EXOC6: variants seen among roughly 807,000 people sequenced by gnomAD.
EXOC6 encodes SEC15-like 1.
Under a neutral mutation model 112.5 loss-of-function variants are expected in EXOC6, and 60 were observed. The ratio of observed to expected loss-of-function variants is 0.53; its 90% CI spans 0.43 to 0.66. The LOEUF (loss-of-function observed/expected upper bound fraction) is 0.66, where lower values mean the gene tolerates loss of function less well. Among genes scored for constraint, EXOC6 ranks in the 30% least tolerant of loss-of-function variants. EXOC6 has a pLI of 0.00. For synonymous variants in EXOC6, 295 were observed against 308.0 expected, an observed-to-expected ratio of 0.96 and a Z score of 0.44; for missense variants, 855 against 957.1, an observed-to-expected ratio of 0.89 and a Z score of 1.41.
At chr10:92,876,961 GCT>G (rs67571339) in intron 1 of EXOC6, among the ~76,000 whole-genome samples, 71,790 of 151,826 alleles carry the variant, frequency 0.47, 17,948 homozygotes, top group African/African-American at 0.63. Context: ...TGCTTTTAGG[GCT>G]CTCTCTTACT....
At chr10:92,854,592 C>CT (rs1322153757) in intron 1 of EXOC6, among the ~76,000 whole-genome samples, 3 of 152,084 alleles carry the variant, frequency 2.0e-5, no homozygotes, top group East Asian at 1.9e-4. Flanking sequence ...TTATCAGATG[C>CT]TTTTTTCTGT....
chr10:92,845,505 A>T (rs1373918387), upstream of EXOC6, among the ~76,000 whole-genome samples: 3 of 148,940 alleles, frequency 2.0e-5, no homozygotes, highest in Non-Finnish European at 4.4e-5. Context: ...GTGAGCCAAG[A>T]TCGCACCACT....
At chr10:92,955,946 T>C (rs1157046694) in intron 17 of EXOC6, among the ~76,000 whole-genome samples, 1 of 152,184 alleles carries the variant, frequency 6.6e-6, no homozygotes, top group African/African-American at 2.4e-5. Context: ...GCTTTGTTCA[T>C]GTTTTGATGA....
intron 9 of EXOC6, among the ~76,000 whole-genome samples, chr10:92,931,142 A>G (rs1309108491): frequency 6.6e-6 from 1 of 150,540 alleles, no homozygotes; most frequent in Non-Finnish European, 1.5e-5. Flanking sequence ...AAAAAAAAGG[A>G]AAGGAAAAGG....
At chr10:92,981,052 T>G (rs576473323) in intron 18 of EXOC6, among the ~76,000 whole-genome samples, 126 of 152,304 alleles carry the variant, frequency 8.3e-4, no homozygotes, top group African/African-American at 2.9e-3. Context: ...AAATCATCAC[T>G]GTTAACATTT....
chr10:92,956,854 T>C (rs1321417101), intron 17 of EXOC6, among the ~76,000 whole-genome samples: 1 of 152,036 alleles, frequency 6.6e-6, no homozygotes, highest in Non-Finnish European at 1.5e-5. Flanking sequence ...CAGGTTTCTT[T>C]ATCTATAAAA....
At chr10:93,047,865 G>A (rs1348373575) in intron 20 of EXOC6, among the ~76,000 whole-genome samples, 3 of 152,116 alleles carry the variant, frequency 2.0e-5, no homozygotes, top group African/African-American at 7.2e-5. Flanking sequence ...AGAATTGCTT[G>A]AACCTGGGAG....
intron 20 of EXOC6, among the ~76,000 whole-genome samples, chr10:93,054,230 G>C (rs1251358586): frequency 6.6e-6 from 1 of 152,098 alleles, no homozygotes; most frequent in East Asian, 1.9e-4. Flanking sequence ...ATTTTGTCTT[G>C]TTCCAATGCT....
intron 15 of EXOC6, among the ~76,000 whole-genome samples, chr10:92,953,449 A>G (rs1853529754): frequency 1.3e-5 from 2 of 152,198 alleles, no homozygotes; most frequent in African/African-American, 4.8e-5. Flanking sequence ...TATCTAAGGC[A>G]GTAGTTCTCA....
chr10:92,932,101 A>G (rs1852070933), intron 9 of EXOC6, among the ~76,000 whole-genome samples: 1 of 152,212 alleles, frequency 6.6e-6, no homozygotes, highest in African/African-American at 2.4e-5. Flanking sequence ...TATGTTTTAT[A>G]TAATGGAACT....
chr10:92,993,983 CTT>C (rs1285239348), intron 18 of EXOC6, among the ~76,000 whole-genome samples: 1 of 152,198 alleles, frequency 6.6e-6, no homozygotes, highest in Admixed American at 6.5e-5. Context: ...CTCATGCTGT[CTT>C]TGATTGGCAC....
chr10:93,018,010 CA>C (rs373643138), intron 20 of EXOC6, among the ~76,000 whole-genome samples: 17,902 of 91,464 alleles, frequency 0.2, 1,087 homozygotes, highest in African/African-American at 0.27. Flanking sequence ...AACTCTGTCT[CA>C]AAAAAAAAAA....
chr10:93,006,556 A>T (rs964380272), intron 19 of EXOC6, among the ~76,000 whole-genome samples: 1 of 152,214 alleles, frequency 6.6e-6, no homozygotes, highest in South Asian at 2.1e-4. Flanking sequence ...TGCTGACCGC[A>T]TACAGCAGAA....
chr10:92,927,119 G>T (rs1040205561), intron 8 of EXOC6, among the ~76,000 whole-genome samples: 1 of 152,056 alleles, frequency 6.6e-6, no homozygotes, highest in Non-Finnish European at 1.5e-5. Flanking sequence ...AAGAAAAGTC[G>T]TTTTTTGTAG....
At chr10:92,952,473 T>A in intron 15 of EXOC6, 91 bp downstream of exon 15, 2 of 817,080 alleles carry the variant, frequency 2.4e-6, no homozygotes, top group South Asian at 3.1e-5. Flanking sequence ...TTTCCTCAAC[T>A]TTTATTTTAG....
At chr10:93,053,898 T>C (rs890164183) in intron 20 of EXOC6, among the ~76,000 whole-genome samples, 6 of 152,208 alleles carry the variant, frequency 3.9e-5, no homozygotes, top group Non-Finnish European at 7.3e-5. Context: ...GAGATCAACA[T>C]GCTTGCTGGC....
intron 18 of EXOC6, among the ~76,000 whole-genome samples, chr10:92,989,506 C>G (rs544175405): frequency 6.6e-6 from 1 of 152,326 alleles, no homozygotes; most frequent in Non-Finnish European, 1.5e-5. Context: ...AACCACAGCT[C>G]TCTAGACTCA....
At chr10:92,996,923 C>T (rs1338832804) in intron 18 of EXOC6, among the ~76,000 whole-genome samples, 2 of 151,454 alleles carry the variant, frequency 1.3e-5, no homozygotes, top group Non-Finnish European at 2.9e-5. Flanking sequence ...TTTTTTTCTG[C>T]CAGTGATTGA....
chr10:93,020,891 T>C (rs1844753939), intron 20 of EXOC6, among the ~76,000 whole-genome samples: 1 of 150,020 alleles, frequency 6.7e-6, no homozygotes, highest in African/African-American at 2.4e-5. Flanking sequence ...TCTCAATACT[T>C]TGTCTCTCCC....
Sources: allele counts gnomAD v4.1 joint callset (sites outside exome capture counted in the v4.1 genomes callset), GRCh38; gene constraint gnomAD v4.1.1; transcripts MANE v1.5; gene names NCBI Gene and HGNC (gene_info 2026-07-23, HGNC 2026-07-21).